Variants in ZFPM2 observed in about 807,000 individuals in gnomAD.
ZFPM2 encodes zinc finger protein, FOG family member 2.
Under a neutral mutation model 98.6 loss-of-function variants are expected in ZFPM2, and 20 were observed. The observed-to-expected ratio is 0.20, with a 90% CI of 0.14 to 0.29. The LOEUF is 0.29. Ranked by LOEUF, ZFPM2 falls within the 10% of genes least tolerant of loss-of-function variation. ZFPM2 has a pLI of 1.00. For synonymous variants in ZFPM2, 518 were observed against 502.7 expected (o/e 1.03, Z -0.41); for missense variants, 1,310 against 1,388.6 (o/e 0.94, Z 0.90).
intron 4 of ZFPM2, among the ~76,000 whole-genome samples, chr8:105,605,976 C>T (rs1816188778): frequency 6.6e-6 from 1 of 152,078 alleles, no homozygotes; most frequent in African/African-American, 2.4e-5. Flanking sequence ...TTGTCATTTT[C>T]TCTTAATACC....
intron 4 of ZFPM2, among the ~76,000 whole-genome samples, chr8:105,610,044 G>C (rs1428067846): frequency 6.6e-6 from 1 of 152,098 alleles, no homozygotes; most frequent in Non-Finnish European, 1.5e-5. Context: ...AACTACTTTG[G>C]AGCAATGCAA....
chr8:105,633,986 A>C (rs899876820), intron 4 of ZFPM2, among the ~76,000 whole-genome samples: 5 of 151,768 alleles, frequency 3.3e-5, no homozygotes, highest in African/African-American at 1.2e-4. Context: ...GATCTGTCTA[A>C]TCTTGGAGAT....
intron 5 of ZFPM2, among the ~76,000 whole-genome samples, chr8:105,683,658 C>A (rs1378082842): frequency 6.6e-6 from 1 of 152,246 alleles, no homozygotes; most frequent in Non-Finnish European, 1.5e-5. Context: ...ACCAAAACTA[C>A]CTCTTTCCTT....
intron 3 of ZFPM2, among the ~76,000 whole-genome samples, chr8:105,524,451 T>TGG (rs995616548): frequency 2.6e-5 from 4 of 151,772 alleles, no homozygotes; most frequent in African/African-American, 9.7e-5. Context: ...GAAACATTCT[T>TGG]GGGTGTGTGT....
At chr8:105,514,611 G>T (rs184276068) in intron 3 of ZFPM2, among the ~76,000 whole-genome samples, 2,634 of 151,956 alleles carry the variant, frequency 0.017, 32 homozygotes, top group African/African-American at 0.04. Flanking sequence ...AGTACTTGTT[G>T]TGTCTGCCTG....
chr8:105,536,458 T>A (rs1335218219), intron 3 of ZFPM2, among the ~76,000 whole-genome samples: 1 of 152,068 alleles, frequency 6.6e-6, no homozygotes, highest in East Asian at 1.9e-4. Context: ...TTTTTTATGC[T>A]GTACTCCTCA....
chr8:105,499,680 CA>C (rs200670878), intron 3 of ZFPM2, among the ~76,000 whole-genome samples: 1 of 78,112 alleles, frequency 1.3e-5, no homozygotes, highest in Non-Finnish European at 2.4e-5. Context: ...CTGAAACACT[CA>C]TTTTTTTTTC....
At chr8:105,658,864 C>A (rs73301232) in intron 5 of ZFPM2, among the ~76,000 whole-genome samples, 2,433 of 152,136 alleles carry the variant, frequency 0.016, 53 homozygotes, top group African/African-American at 0.053. Context: ...AGCCAAAGCC[C>A]TGAAAAATAT....
At chr8:105,638,504 C>T (rs993358168) in intron 5 of ZFPM2, among the ~76,000 whole-genome samples, 32 of 152,070 alleles carry the variant, frequency 2.1e-4, no homozygotes. Flanking sequence ...TTCCTAAAAA[C>T]CTAAACTACT....
intron 1 of ZFPM2, among the ~76,000 whole-genome samples, chr8:105,381,082 C>A (rs1034282434): frequency 2.0e-5 from 3 of 146,470 alleles, no homozygotes; most frequent in African/African-American, 7.6e-5. Context: ...CCCTTGCCCC[C>A]CACCCCTCAA....
intron 3 of ZFPM2, among the ~76,000 whole-genome samples, chr8:105,472,409 A>G (rs1178441862): frequency 6.6e-6 from 1 of 152,256 alleles, no homozygotes; most frequent in Non-Finnish European, 1.5e-5. Flanking sequence ...AGTTCTGATA[A>G]GTAACACAAC....
chr8:105,676,992 A>G (rs1304505547), intron 5 of ZFPM2, among the ~76,000 whole-genome samples: 2 of 152,106 alleles, frequency 1.3e-5, no homozygotes, highest in African/African-American at 2.4e-5. Context: ...TGTACTTTAA[A>G]TACAGAAAAA....
chr8:105,666,094 A>ATC (rs1363320463), intron 5 of ZFPM2, among the ~76,000 whole-genome samples: 2 of 152,130 alleles, frequency 1.3e-5, no homozygotes, highest in Non-Finnish European at 2.9e-5. Flanking sequence ...CAATCTTTGC[A>ATC]TCTATAGGGT....
intron 5 of ZFPM2, among the ~76,000 whole-genome samples, chr8:105,782,673 C>T (rs1175935815): frequency 7.9e-5 from 12 of 152,008 alleles, no homozygotes; most frequent in Admixed American, 7.9e-4. Flanking sequence ...TATTATTCTT[C>T]ATTATTGTAA....
intron 3 of ZFPM2, among the ~76,000 whole-genome samples, chr8:105,488,632 T>C (rs1171665115): frequency 2.0e-5 from 3 of 151,932 alleles, no homozygotes; most frequent in South Asian, 2.1e-4. Context: ...GGCATGGTGG[T>C]GCGCGCCTGT....
rs2130635288 is a variant in ZFPM2 at position 105,318,868 on chromosome 8, C to CGGCGGGAGT, written c.-66_-65insTGGCGGGAG. Reference sequence around the variant, plus strand: ...CCAGCGGCGGCGGCGGCGGCGGCGGCGGCGGGAGCCGAGGGAGCGGCAGCC... The same window carrying CGGCGGGAGT: ...CCAGCGGCGGCGGCGGCGGCGGCGGCGGCGGGAGTGGCGGGAGCCGAGGGAGCGGCAGCC... On this transcript the variant is annotated 5_prime_UTR_variant, in exon 1 of 8. Transcript: ENST00000407775. 3 of 983,622 alleles carry CGGCGGGAGT rather than the reference C, an allele frequency of 3.0e-6. No homozygotes were observed. Among genetic ancestry groups the CGGCGGGAGT allele is most frequent in the Non-Finnish European group, 3.7e-6 (3 of 813,216 alleles). The allele number at this position is 983,622 out of a possible 1,614,324, so 60.9% of individuals were successfully genotyped here. A position where few individuals can be genotyped will look rare whatever the true frequency, so the allele number is the denominator to read the frequency against.
chr8:105,369,395 C>G (rs1279383394), intron 1 of ZFPM2, among the ~76,000 whole-genome samples: 2 of 152,012 alleles, frequency 1.3e-5, no homozygotes, highest in African/African-American at 4.8e-5. Context: ...AATGGTGAGG[C>G]TAAAAATTTT....
intron 1 of ZFPM2, among the ~76,000 whole-genome samples, chr8:105,391,687 GA>G (rs1351128267): frequency 1.3e-5 from 2 of 152,118 alleles, no homozygotes; most frequent in African/African-American, 2.4e-5. Flanking sequence ...TCATCTTTAA[GA>G]AACAAATTCT....
chr8:105,713,197 T>A (rs1243542758), intron 5 of ZFPM2, among the ~76,000 whole-genome samples: 2 of 152,094 alleles, frequency 1.3e-5, no homozygotes, highest in Non-Finnish European at 2.9e-5. Flanking sequence ...CCCGGCATGT[T>A]ATTTTTTGAC....
Sources: allele counts gnomAD v4.1 joint callset (sites outside exome capture counted in the v4.1 genomes callset), GRCh38; gene constraint gnomAD v4.1.1; transcripts MANE v1.5; gene names NCBI Gene and HGNC (gene_info 2026-07-23, HGNC 2026-07-21).